MMP16: variants seen among roughly 807,000 people sequenced by gnomAD.
MMP16 encodes the protein matrix metalloproteinase-16.
In MMP16, 12 loss-of-function variants were observed where a neutral mutation model predicts 67.8. That is an observed-to-expected ratio of 0.18 (90% CI 0.11 to 0.29). The LOEUF is 0.29. Among genes scored for constraint, MMP16 ranks in the 10% least tolerant of loss-of-function variants. MMP16 has a pLI of 1.00. For missense variants in MMP16, 475 were observed against 765.7 expected, an observed-to-expected ratio of 0.62 and a Z score of 4.48; for synonymous variants, 249 against 255.9, an observed-to-expected ratio of 0.97 and a Z score of 0.26.
intron 8 of MMP16, among the ~76,000 whole-genome samples, chr8:88,048,978 G>A (rs141999318): frequency 2.6e-4 from 39 of 152,272 alleles, no homozygotes; most frequent in African/African-American, 9.1e-4. Context: ...AGTAACATCT[G>A]GAATTCCTCC....
At chr8:88,215,394 ATTTG>A (rs959132967) in intron 1 of MMP16, among the ~76,000 whole-genome samples, 1 of 151,776 alleles carries the variant, frequency 6.6e-6, no homozygotes, top group Non-Finnish European at 1.5e-5. Context: ...TCCTTCTAAG[ATTTG>A]TTTGTCCTCC....
At chr8:88,175,152 A>G (rs1013974969) in intron 3 of MMP16, among the ~76,000 whole-genome samples, 1 of 152,172 alleles carries the variant, frequency 6.6e-6, no homozygotes, top group African/African-American at 2.4e-5. Context: ...GCTTGGCCGA[A>G]AAAACCAAAG....
At chr8:88,320,133 C>G (rs1434151158) in intron 1 of MMP16, among the ~76,000 whole-genome samples, 2 of 152,180 alleles carry the variant, frequency 1.3e-5, no homozygotes, top group Admixed American at 6.5e-5. Flanking sequence ...AGAAACCACA[C>G]TGTTTCACAC....
At chr8:88,108,523 A>C (rs74889594) in intron 6 of MMP16, among the ~76,000 whole-genome samples, 2 of 151,290 alleles carry the variant, frequency 1.3e-5, no homozygotes, top group Non-Finnish European at 3.0e-5. Context: ...TTCTTTATGT[A>C]ATATGGAATA....
intron 3 of MMP16, 121 bp downstream of exon 3, chr8:88,186,355 G>T: frequency 7.6e-7 from 1 of 1,309,844 alleles, no homozygotes; most frequent in Non-Finnish European, 1.1e-6. Context: ...AATCTCTTAT[G>T]TTAACATTAT....
Position 88,307,598 on chromosome 8 carries a change from T to C in MMP16, c.132+19477A>G, listed in dbSNP as rs191931983. Among the ~76,000 whole-genome samples, 478 of 152,202 alleles carry C rather than the reference T, an allele frequency of 3.1e-3. 4 individuals are homozygous for C. Among genetic ancestry groups the C allele is most frequent in the Non-Finnish European group, 4.8e-3 (324 of 67,936 alleles). ...AAGAAAGTAACTAGTATCTTAATTCTTTTTTAGGTTAATAATTGACAACTG... is the reference window on the plus strand; with the variant it reads ...AAGAAAGTAACTAGTATCTTAATTCCTTTTTAGGTTAATAATTGACAACTG... On this transcript the variant is annotated intron_variant, in intron 1 of 9. Transcript: ENST00000286614.
intron 3 of MMP16, among the ~76,000 whole-genome samples, chr8:88,180,915 T>C (rs2129737682): frequency 6.6e-6 from 1 of 152,182 alleles, no homozygotes; most frequent in African/African-American, 2.4e-5. Context: ...ATATTTCACA[T>C]CAAAAGGCAA....
chr8:88,070,411 T>C (rs1808532139), intron 7 of MMP16, among the ~76,000 whole-genome samples: 1 of 152,120 alleles, frequency 6.6e-6, no homozygotes, highest in African/African-American at 2.4e-5. Flanking sequence ...GAACAGGTGG[T>C]TGGGGGCAGC....
At chr8:88,157,935 C>T (rs7459743) in intron 4 of MMP16, among the ~76,000 whole-genome samples, 1 of 148,636 alleles carries the variant, frequency 6.7e-6, no homozygotes, top group South Asian at 2.1e-4. Flanking sequence ...GGTTTTTTGT[C>T]CTTGCAATAG....
chr8:88,167,554 G>T, intron 4 of MMP16, 115 bp downstream of exon 4: 2 of 1,031,216 alleles, frequency 1.9e-6, no homozygotes, highest in Non-Finnish European at 2.7e-6. Flanking sequence ...ATATTGCTTT[G>T]GAATTTTAAA....
Position 88,175,324 on chromosome 8 carries a change from C to T in MMP16, c.405-7351G>A, listed in dbSNP as rs74593927. On this transcript the variant is annotated intron_variant, in intron 3 of 9. Coordinates refer to ENST00000286614, the MANE Select transcript of MMP16 (RefSeq NM_005941.5). ...TTCCTGTCTGCATATTGTCAGGGTA[C>T]AGTTCAGCTATCCTTTTCAGGAATA... is the stretch of plus-strand genomic sequence containing the variant. 4.6e-5 allele frequency among the ~76,000 whole-genome samples: 7 copies of T among 152,254 alleles called. No individual in the cohort carries two copies. In the East Asian group the frequency reaches 1.4e-3, roughly 29 times the overall value.
chr8:88,042,528 AAT>A (rs1355465093), intron 9 of MMP16, among the ~76,000 whole-genome samples: 1 of 152,172 alleles, frequency 6.6e-6, no homozygotes, highest in Admixed American at 6.6e-5. Context: ...CTTTATTAAA[AAT>A]ATGTTTAATT....
At chr8:88,132,733 C>A (rs760163776) in intron 4 of MMP16, among the ~76,000 whole-genome samples, 8 of 151,858 alleles carry the variant, frequency 5.3e-5, no homozygotes, top group Non-Finnish European at 8.8e-5. Flanking sequence ...ATGTGAGCCA[C>A]TTTGCCTAGC....
intron 1 of MMP16, among the ~76,000 whole-genome samples, chr8:88,228,512 A>C (rs562841224): frequency 6.6e-6 from 1 of 152,230 alleles, no homozygotes; most frequent in South Asian, 2.1e-4. Flanking sequence ...GACAATAAAA[A>C]TGACTGTCAA....
At chr8:88,298,888 T>C (rs906090625) in intron 1 of MMP16, among the ~76,000 whole-genome samples, 1 of 152,146 alleles carries the variant, frequency 6.6e-6, no homozygotes, top group Non-Finnish European at 1.5e-5. Flanking sequence ...TACCTGGTTA[T>C]AATTAATTTA....
chr8:88,289,185 G>A (rs890076092), intron 1 of MMP16, among the ~76,000 whole-genome samples: 3 of 152,096 alleles, frequency 2.0e-5, no homozygotes, highest in Non-Finnish European at 4.4e-5. Context: ...GTGTGAGCGC[G>A]AGACTGCAGC....
At chr8:88,085,130 C>T (rs1270147899) in intron 6 of MMP16, among the ~76,000 whole-genome samples, 2 of 151,812 alleles carry the variant, frequency 1.3e-5, no homozygotes, top group East Asian at 3.9e-4. Context: ...TTACTGTTTA[C>T]AGATAATTGT....
intron 4 of MMP16, among the ~76,000 whole-genome samples, chr8:88,129,167 C>T (rs1807986049): frequency 6.6e-6 from 1 of 151,636 alleles, no homozygotes; most frequent in East Asian, 1.9e-4. Context: ...AAGCAACTAA[C>T]CTATATTCAA....
At chr8:88,116,079 G>A (rs1014523412) in intron 6 of MMP16, among the ~76,000 whole-genome samples, 1 of 152,034 alleles carries the variant, frequency 6.6e-6, no homozygotes, top group Non-Finnish European at 1.5e-5. Context: ...TGCTCTTCCT[G>A]TAAAACAATG....
Sources: allele counts gnomAD v4.1 joint callset (sites outside exome capture counted in the v4.1 genomes callset), GRCh38; gene constraint gnomAD v4.1.1; transcripts MANE v1.5; gene names NCBI Gene and HGNC (gene_info 2026-07-23, HGNC 2026-07-21).